Variants in SLC26A5 observed in about 807,000 individuals in gnomAD.
The protein encoded by SLC26A5 is prestin.
A neutral mutation model predicts 81.0 loss-of-function variants in SLC26A5; 51 were observed. That is an observed-to-expected ratio of 0.63 (90% CI 0.50 to 0.80). SLC26A5 has a LOEUF of 0.80. Among genes scored for constraint, SLC26A5 ranks in the 30% least tolerant of loss-of-function variants. The pLI is 0.00. For missense variants in SLC26A5, 771 were observed against 905.8 expected (o/e 0.85, Z 1.91); for synonymous variants, 325 against 332.8 (o/e 0.98, Z 0.25).
intron 13 of SLC26A5, 87 bp downstream of exon 13, chr7:103,389,242 C>T: frequency 8.1e-7 from 1 of 1,228,528 alleles, no homozygotes; most frequent in Non-Finnish European, 1.2e-6. Context: ...ATAACAACTG[C>T]ATTAATTTAT....
At chr7:103,386,757 A>C (rs1822226549) in intron 14 of SLC26A5, among the ~76,000 whole-genome samples, 1 of 151,304 alleles carries the variant, frequency 6.6e-6, no homozygotes, top group Non-Finnish European at 1.5e-5. Flanking sequence ...AAAGTTATAG[A>C]TTTTTTTTTC....
intron 2 of SLC26A5, among the ~76,000 whole-genome samples, chr7:103,439,916 A>G (rs1246225805): frequency 2.0e-5 from 3 of 151,886 alleles, no homozygotes; most frequent in Admixed American, 1.3e-4. Context: ...TCCCAGATAG[A>G]CTCGTAACTT....
intron 4 of SLC26A5, among the ~76,000 whole-genome samples, chr7:103,415,426 C>T (rs533879170): frequency 6.6e-6 from 1 of 152,122 alleles, no homozygotes; most frequent in Non-Finnish European, 1.5e-5. Flanking sequence ...AGCGCTCCCC[C>T]ACCCCCACTT....
intron 2 of SLC26A5, among the ~76,000 whole-genome samples, chr7:103,423,711 C>T (rs1007441876): frequency 6.6e-5 from 10 of 152,164 alleles, no homozygotes; most frequent in African/African-American, 2.2e-4. Flanking sequence ...CTGGCCCTTA[C>T]CAGCTGGTGC....
At chr7:103,431,361 C>G (rs1826071111) in intron 2 of SLC26A5, among the ~76,000 whole-genome samples, 1 of 150,932 alleles carries the variant, frequency 6.6e-6, no homozygotes, top group Non-Finnish European at 1.5e-5. Flanking sequence ...GTCACTCTGT[C>G]ACCCAGGCTG....
At chr7:103,430,009 A>G (rs1184764151) in intron 2 of SLC26A5, among the ~76,000 whole-genome samples, 2 of 151,760 alleles carry the variant, frequency 1.3e-5, no homozygotes, top group Non-Finnish European at 2.9e-5. Flanking sequence ...ACACGTTAAT[A>G]TCCGTAGAGG....
At chr7:103,387,936 C>T (rs1310143223) in intron 14 of SLC26A5, among the ~76,000 whole-genome samples, 1 of 152,174 alleles carries the variant, frequency 6.6e-6, no homozygotes, top group Non-Finnish European at 1.5e-5. Context: ...CCTGCCTTGG[C>T]CTCCCAAAGT....
intron 9 of SLC26A5, among the ~76,000 whole-genome samples, chr7:103,396,673 G>A (rs1823136495): frequency 6.6e-6 from 1 of 152,134 alleles, no homozygotes; most frequent in South Asian, 2.1e-4. Flanking sequence ...GGGGGCTGGG[G>A]GAAGAAGAAA....
intron 8 of SLC26A5, among the ~76,000 whole-genome samples, chr7:103,406,099 G>A (rs928805840): frequency 1.3e-5 from 2 of 152,216 alleles, no homozygotes; most frequent in South Asian, 2.1e-4. Flanking sequence ...AGCCAATGGA[G>A]CTTAGCTTTC....
chr7:103,392,858 T>A, intron 10 of SLC26A5, 61 bp downstream of exon 10: 1 of 1,603,962 alleles, frequency 6.2e-7, no homozygotes, highest in Non-Finnish European at 8.5e-7. Context: ...ATTACAGGCG[T>A]GAGCCAGACA....
Position 103,393,068 on chromosome 7 carries a change from T to C in SLC26A5, c.972-2A>G, listed in dbSNP as rs376236239. 6 of 1,613,882 alleles carry C rather than the reference T, an allele frequency of 3.7e-6. No individual in the cohort carries two copies. The highest frequency in any genetic ancestry group is 4.2e-6 in the Non-Finnish European group (5 of 1,179,826). ...TCCGGATTGGCTGGAGGTAGCAGCC[T>C]GAAAAGTCAAGCTGCCTTTAACTTG... On this transcript the variant is annotated splice_acceptor_variant, in intron 9 of 19. Coordinates refer to ENST00000306312, the MANE Select transcript of SLC26A5 (RefSeq NM_198999.3). LOFTEE classifies it high-confidence loss of function.
chr7:103,438,088 G>A (rs1462385732), intron 2 of SLC26A5, among the ~76,000 whole-genome samples: 2 of 152,076 alleles, frequency 1.3e-5, no homozygotes, highest in African/African-American at 2.4e-5. Context: ...GTGGTGCCAG[G>A]ACGCCACAAG....
rs1821186206 is a variant in SLC26A5, at chr7:103,374,358, C to A, written c.*41G>T. 2.5e-6 allele frequency: 4 copies of A among 1,610,742 alleles called. No homozygotes were observed. The Admixed American group carries it at 6.7e-5, about 27-fold the overall frequency. On this transcript the variant is annotated 3_prime_UTR_variant, in exon 20 of 20. Coordinates refer to ENST00000306312, the MANE Select transcript of SLC26A5 (RefSeq NM_198999.3). Reference sequence around the variant, plus strand: ...TTTAAAACGTGTAAATTATGAACTTCATGAGAGGCTTATAACCCCATCCTA... The same window carrying A: ...TTTAAAACGTGTAAATTATGAACTTAATGAGAGGCTTATAACCCCATCCTA...
chr7:103,357,718 G>C (rs1432927443), intron 19 of SLC26A5, among the ~76,000 whole-genome samples: 1 of 152,130 alleles, frequency 6.6e-6, no homozygotes, highest in Non-Finnish European at 1.5e-5. Flanking sequence ...AGCTGTGATT[G>C]CTTTTCCTTT....
intron 9 of SLC26A5, among the ~76,000 whole-genome samples, chr7:103,397,104 GAA>G (rs771771741): frequency 1.1e-5 from 1 of 89,518 alleles, no homozygotes. Flanking sequence ...CAAAAAAAAA[GAA>G]AAAAAAAAAA....
At chr7:103,426,249 C>T (rs1255206531) in intron 2 of SLC26A5, among the ~76,000 whole-genome samples, 1 of 152,160 alleles carries the variant, frequency 6.6e-6, no homozygotes, top group African/African-American at 2.4e-5. Flanking sequence ...TTAACTGTCA[C>T]AACCATTTCA....
Position 103,417,143 on chromosome 7 carries a change from G to A in SLC26A5, c.292+3595C>T, listed in dbSNP as rs567327652. Reference sequence around the variant, plus strand: ...TCCCAGCACTTTGGGAGGCCGAGGCGGGTGGATCACAAGGTCAAGAGATCG... The same window carrying A: ...TCCCAGCACTTTGGGAGGCCGAGGCAGGTGGATCACAAGGTCAAGAGATCG... On this transcript the variant is annotated intron_variant, in intron 4 of 19. Coordinates refer to ENST00000306312, the MANE Select transcript of SLC26A5 (RefSeq NM_198999.3). 6.3e-4 allele frequency among the ~76,000 whole-genome samples: 96 copies of A among 152,018 alleles called. 1 individual carries two copies. The South Asian group carries it at 0.017, about 28-fold the overall frequency.
At chr7:103,362,515 T>C (rs1272247868) in intron 19 of SLC26A5, 1 of 1,408,070 alleles carries the variant, frequency 7.1e-7, no homozygotes, top group Non-Finnish European at 9.3e-7. Flanking sequence ...ACATTAGACA[T>C]GTAGTTTAGT....
intron 2 of SLC26A5, 138 bp from the exon 3 acceptor site, chr7:103,421,705 G>A (rs949713149): frequency 3.3e-6 from 2 of 611,646 alleles, no homozygotes; most frequent in Non-Finnish European, 5.8e-6. Context: ...GTATTGATCT[G>A]TATATAGGAG....
Sources: gnomAD v4.1 joint callset for allele counts (sites outside exome capture counted in the v4.1 genomes callset) on GRCh38, gnomAD v4.1.1 for gene constraint, MANE v1.5 for transcripts, NCBI Gene and HGNC (gene_info 2026-07-23, HGNC 2026-07-21) for gene names.